RBKS: variants seen among roughly 807,000 people sequenced by gnomAD.
RBKS encodes the protein ribokinase.
Under a neutral mutation model 33.9 loss-of-function variants are expected in RBKS, and 33 were observed. That is an observed-to-expected ratio of 0.97 (90% CI 0.74 to 1.30). The LOEUF (loss-of-function observed/expected upper bound fraction) is 1.30. Ranked by LOEUF, RBKS falls within the 50% of genes most tolerant of loss-of-function variation. The pLI is 0.00. For synonymous variants in RBKS, 125 were observed against 143.0 expected, an observed-to-expected ratio of 0.87 and a Z score of 0.90; for missense variants, 361 against 392.6, an observed-to-expected ratio of 0.92 and a Z score of 0.68.
intron 2 of RBKS, among the ~76,000 whole-genome samples, chr2:27,855,820 C>A (rs1663847323): frequency 6.6e-6 from 1 of 152,158 alleles, no homozygotes; most frequent in Admixed American, 6.5e-5. Flanking sequence ...TTTGTTTGGG[C>A]CATCAATCTT....
chr2:27,878,952 A>G (rs977206496), intron 1 of RBKS, among the ~76,000 whole-genome samples: 1 of 152,248 alleles, frequency 6.6e-6, no homozygotes, highest in Non-Finnish European at 1.5e-5. Flanking sequence ...TAAGCACCTC[A>G]GCATGGCTGA....
At chr2:27,796,223 T>C (rs908877738) in intron 7 of RBKS, among the ~76,000 whole-genome samples, 1 of 137,230 alleles carries the variant, frequency 7.3e-6, no homozygotes, top group Non-Finnish European at 1.5e-5. Context: ...TACACTGGTA[T>C]GATTTTTTTT....
chr2:27,787,542 G>A (rs1406592072), intron 7 of RBKS, among the ~76,000 whole-genome samples: 1 of 152,172 alleles, frequency 6.6e-6, no homozygotes, highest in African/African-American at 2.4e-5. Context: ...TTACAGGTAC[G>A]AGCCACTGTG....
intron 7 of RBKS, among the ~76,000 whole-genome samples, chr2:27,805,823 C>T (rs1008966685): frequency 3.4e-4 from 51 of 152,112 alleles, no homozygotes; most frequent in African/African-American, 1.2e-3. Flanking sequence ...AATCCACCCA[C>T]ACTGGCCTCT....
chr2:27,867,657 T>TTA lies in RBKS; in HGVS notation c.90-9088_90-9087dup, dbSNP rs141607403. Among the ~76,000 whole-genome samples the TTA allele has an allele frequency of 6.5e-3, 992 of 152,024 alleles. 3 individuals are homozygous for TTA. The highest frequency in any genetic ancestry group is 9.9e-3 in the Non-Finnish European group (676 of 67,974). On this transcript the variant is annotated intron_variant, in intron 1 of 7. Transcript: ENST00000302188. Reference sequence around the variant, plus strand: ...AAGCTCAGCAAATCTTTTTGGATAATTATATATATATACTTCCTTCCAGCT... The same window carrying TTA: ...AAGCTCAGCAAATCTTTTTGGATAATTATATATATATATACTTCCTTCCAGCT...
intron 7 of RBKS, among the ~76,000 whole-genome samples, chr2:27,803,314 G>T (rs536682369): frequency 8.5e-5 from 13 of 152,238 alleles, no homozygotes; most frequent in African/African-American, 2.9e-4. Context: ...TTTTTCTAAA[G>T]AAATCTGTAG....
In RBKS at chr2:27,852,224, C is replaced by G. The variant is rs564335796; in HGVS notation, c.223-4127G>C. 2.0e-5 allele frequency among the ~76,000 whole-genome samples: 3 copies of G among 152,292 alleles called. No homozygotes were observed. In the South Asian group the frequency reaches 6.2e-4, roughly 32 times the overall value. On this transcript the variant is annotated intron_variant, in intron 2 of 7. Transcript: ENST00000302188. ...TGTTCTATATCTGTGCTGTCCAATA[C>G]AGAAAATGTTTTCTATTTGTTCTGC... is the stretch of plus-strand genomic sequence containing the variant.
At chr2:27,783,040 G>T (rs1013768133) in intron 7 of RBKS, among the ~76,000 whole-genome samples, 1 of 152,248 alleles carries the variant, frequency 6.6e-6, no homozygotes, top group South Asian at 2.1e-4. Flanking sequence ...ATATTATTTT[G>T]TTGTTCGAAT....
intron 7 of RBKS, among the ~76,000 whole-genome samples, chr2:27,790,012 G>C (rs1048075381): frequency 1.4e-5 from 2 of 147,194 alleles, no homozygotes; most frequent in Non-Finnish European, 3.0e-5. Flanking sequence ...GAGAGAGAGA[G>C]AGAGATGTGG....
intron 1 of RBKS, chr2:27,869,907 A>G (rs1436983752): frequency 6.6e-6 from 1 of 152,338 alleles, no homozygotes; most frequent in African/African-American, 2.4e-5. Context: ...CAGTCTCTGG[A>G]TATTATGCCT....
At chr2:27,847,218 C>A in intron 3 of RBKS, 114 bp from the exon 4 acceptor site, 1 of 600,492 alleles carries the variant, frequency 1.7e-6, no homozygotes, top group South Asian at 2.3e-5. Context: ...CTTTAACCAT[C>A]TGGAATGATA....
intron 1 of RBKS, chr2:27,861,625 T>C: frequency 2.2e-6 from 1 of 462,106 alleles, no homozygotes; most frequent in Non-Finnish European, 4.4e-6. Flanking sequence ...AAGAAAATAA[T>C]TCACGGAATA....
At chr2:27,790,177 T>A (rs929783138) in intron 7 of RBKS, among the ~76,000 whole-genome samples, 9 of 151,746 alleles carry the variant, frequency 5.9e-5, no homozygotes, top group Non-Finnish European at 1.3e-4. Flanking sequence ...GATTTTGGAT[T>A]AGGGAAACGC....
At chr2:27,876,962 T>C (rs1161163540) in intron 1 of RBKS, among the ~76,000 whole-genome samples, 1 of 152,182 alleles carries the variant, frequency 6.6e-6, no homozygotes, top group Non-Finnish European at 1.5e-5. Context: ...ACTTTGTCTC[T>C]TGCAAATCCA....
chr2:27,880,498 A>T (rs986919403), intron 1 of RBKS, among the ~76,000 whole-genome samples: 2 of 152,062 alleles, frequency 1.3e-5, no homozygotes, highest in Non-Finnish European at 2.9e-5. Flanking sequence ...TATTTGCATG[A>T]TTCTATACCT....
chr2:27,839,349 G>T (rs1421877896), intron 5 of RBKS, among the ~76,000 whole-genome samples: 4 of 152,170 alleles, frequency 2.6e-5, no homozygotes, highest in Non-Finnish European at 4.4e-5. Context: ...GCTTGGAAAT[G>T]GATATAAAGA....
intron 2 of RBKS, among the ~76,000 whole-genome samples, chr2:27,851,711 G>T (rs1251177918): frequency 6.6e-6 from 1 of 151,726 alleles, no homozygotes; most frequent in African/African-American, 2.4e-5. Flanking sequence ...GCTAATTTTT[G>T]TACTTTTAGT....
intron 5 of RBKS, among the ~76,000 whole-genome samples, chr2:27,839,708 A>G (rs1035503387): frequency 1.3e-5 from 2 of 152,186 alleles, no homozygotes; most frequent in Admixed American, 6.5e-5. Context: ...ATGACGATGA[A>G]GACTTTATCA....
At chr2:27,871,862 C>T (rs148508098) in intron 1 of RBKS, among the ~76,000 whole-genome samples, 27 of 152,322 alleles carry the variant, frequency 1.8e-4, no homozygotes, top group African/African-American at 5.8e-4. Context: ...AACCTCTCTG[C>T]TAATGTTAAT....
Sources: gnomAD v4.1 joint callset for allele counts (sites outside exome capture counted in the v4.1 genomes callset) on GRCh38, gnomAD v4.1.1 for gene constraint, MANE v1.5 for transcripts, NCBI Gene and HGNC (gene_info 2026-07-23, HGNC 2026-07-21) for gene names.